USP50: variants seen among roughly 807,000 people sequenced by gnomAD.
The protein encoded by USP50 is ubiquitin specific peptidase 50.
A neutral mutation model predicts 39.2 loss-of-function variants in USP50; 37 were observed. That is an observed-to-expected ratio of 0.94 (90% CI 0.73 to 1.24). The LOEUF is 1.24. Ranked by LOEUF, USP50 falls within the 50% of genes most tolerant of loss-of-function variation. The pLI, the probability that USP50 is intolerant of heterozygous loss-of-function variation, is 0.00. For synonymous variants in USP50, 139 were observed against 144.5 expected (o/e 0.96, Z 0.27); for missense variants, 374 against 398.2 (o/e 0.94, Z 0.52).
At chr15:50,522,121 T>C (rs1437084299) in intron 6 of USP50, among the ~76,000 whole-genome samples, 4 of 151,838 alleles carry the variant, frequency 2.6e-5, no homozygotes, top group Non-Finnish European at 4.4e-5. Flanking sequence ...GACTGAATTA[T>C]GGAGAAATAG....
chr15:50,497,576 G>T, downstream of USP50: 1 of 164,868 alleles, frequency 6.1e-6, no homozygotes, highest in Non-Finnish European at 1.3e-5. Flanking sequence ...AACAGACTTA[G>T]TTATGTGTTA....
intron 1 of USP50, among the ~76,000 whole-genome samples, chr15:50,495,332 A>G (rs1041105127): frequency 1.9e-5 from 1 of 51,410 alleles, no homozygotes; most frequent in African/African-American, 9.9e-5. Context: ...ATATACACAT[A>G]TATATACACA....
intron 6 of USP50, among the ~76,000 whole-genome samples, chr15:50,523,119 C>G (rs2052862820): frequency 6.7e-6 from 1 of 149,726 alleles, no homozygotes; most frequent in Non-Finnish European, 1.5e-5. Context: ...ACTGTTAGAA[C>G]TGAAATGAAT....
At chr15:50,538,273 C>CAA (rs766139797) in intron 5 of USP50, among the ~76,000 whole-genome samples, 1,017 of 17,260 alleles carry the variant, frequency 0.059, 103 homozygotes, top group Non-Finnish European at 0.082. Flanking sequence ...GAGACTGTCT[C>CAA]AAAAAAAAAA....
intron 1 of USP50, among the ~76,000 whole-genome samples, chr15:50,495,064 G>A (rs909240377): frequency 6.6e-6 from 1 of 150,424 alleles, no homozygotes; most frequent in African/African-American, 2.4e-5. Context: ...AATGACTCAT[G>A]TGACTAGTTA....
intron 6 of USP50, among the ~76,000 whole-genome samples, chr15:50,516,445 C>A (rs1028609415): frequency 1.3e-5 from 2 of 152,140 alleles, no homozygotes; most frequent in Middle Eastern, 3.4e-3. Context: ...GGTGAAACCC[C>A]ATCTCCACTA....
At chr15:50,538,273 C>CAAAAAAAAA (rs766139797) in intron 5 of USP50, among the ~76,000 whole-genome samples, 5 of 17,302 alleles carry the variant, frequency 2.9e-4, no homozygotes, top group African/African-American at 6.2e-4. Context: ...GAGACTGTCT[C>CAAAAAAAAA]AAAAAAAAAA....
At chr15:50,508,497 G>T (rs1411648510) in intron 6 of USP50, 4 of 152,128 alleles carry the variant, frequency 2.6e-5, no homozygotes, top group Non-Finnish European at 5.9e-5. Context: ...ATAGACATTT[G>T]TAGTTTTAAA....
chr15:50,498,365 C>A, downstream of USP50: 1 of 447,916 alleles, frequency 2.2e-6, no homozygotes, highest in Non-Finnish European at 3.9e-6. Context: ...CTCTACCATT[C>A]TGGCTGTTTG....
At chr15:50,529,992 G>C in intron 5 of USP50, 63 bp from the exon 6 acceptor site, 1 of 1,590,474 alleles carries the variant, frequency 6.3e-7, no homozygotes, top group Non-Finnish European at 8.6e-7. Flanking sequence ...TTGTCTACAT[G>C]ACAAATTCCG....
At chr15:50,527,896 C>T (rs1449538218) in intron 6 of USP50, among the ~76,000 whole-genome samples, 1 of 152,062 alleles carries the variant, frequency 6.6e-6, no homozygotes. Flanking sequence ...CTCGGCCTCC[C>T]AATGTGCTGG....
At chr15:50,506,093 T>C (rs2052654496) in intron 6 of USP50, 2 of 152,244 alleles carry the variant, frequency 1.3e-5, no homozygotes, top group Non-Finnish European at 1.5e-5. Context: ...TGTCGTTTTT[T>C]AGCATAATTA....
chr15:50,540,929 T>C, intron 4 of USP50, 120 bp downstream of exon 4: 1 of 784,576 alleles, frequency 1.3e-6, no homozygotes, highest in South Asian at 1.8e-5. Context: ...CAGTCTATTT[T>C]TTTTTAAATT....
chr15:50,515,762 G>A (rs2052797989), intron 6 of USP50, among the ~76,000 whole-genome samples: 1 of 152,000 alleles, frequency 6.6e-6, no homozygotes, highest in Non-Finnish European at 1.5e-5. Context: ...ATTTAGGACT[G>A]TAGTTCTCTT....
intron 5 of USP50, among the ~76,000 whole-genome samples, chr15:50,533,374 A>G (rs2052956887): frequency 1.3e-5 from 2 of 152,122 alleles, no homozygotes; most frequent in Non-Finnish European, 2.9e-5. Flanking sequence ...AGAGAACACC[A>G]AGAAAGATAA....
At chr15:50,521,362 G>C (rs2052849253) in intron 6 of USP50, among the ~76,000 whole-genome samples, 1 of 152,110 alleles carries the variant, frequency 6.6e-6, no homozygotes, top group Non-Finnish European at 1.5e-5. Flanking sequence ...AATTTGATCA[G>C]TACATATTGT....
intron 6 of USP50, among the ~76,000 whole-genome samples, chr15:50,525,623 T>C (rs1235183795): frequency 1.6e-5 from 2 of 124,640 alleles, no homozygotes; most frequent in Non-Finnish European, 1.6e-5. Context: ...TGTATATATG[T>C]ATATGTATAT....
Position 50,541,064 on chromosome 15 carries a change from A to G in USP50, c.645T>C (p.Tyr215=), listed in dbSNP as rs367954545. 1.2e-4 allele frequency: 187 copies of G among 1,613,522 alleles called. 1 individual carries two copies. The highest frequency in any genetic ancestry group is 1.5e-4 in the Non-Finnish European group (176 of 1,179,564). The change falls in exon 4 of 7, where the codon TAT becomes TAC. Residue 215 remains tyrosine, a synonymous_variant. Transcript: ENST00000532404. ...TVFSLPIPSK[Y]ECSLRDCLQC... ...GCATTCCTACCCGAAGGGAGCATTC[A>G]TATTTGGATGGAATGGGGAGTGAGA... is the stretch of plus-strand genomic sequence containing the variant.
chr15:50,538,450 G>A (rs1421817973), intron 5 of USP50, among the ~76,000 whole-genome samples: 1 of 152,064 alleles, frequency 6.6e-6, no homozygotes, highest in Non-Finnish European at 1.5e-5. Context: ...GTGTGGGTGA[G>A]GAAGAAGTTT....
Sources: gnomAD v4.1 joint callset for allele counts (sites outside exome capture counted in the v4.1 genomes callset) on GRCh38, gnomAD v4.1.1 for gene constraint, MANE v1.5 for transcripts, NCBI Gene and HGNC (gene_info 2026-07-23, HGNC 2026-07-21) for gene names.